The following FAM13B variants were observed in gnomAD, a reference collection of about 807,000 sequenced individuals.
FAM13B encodes family with sequence similarity 13 member B.
A neutral mutation model predicts 117.3 loss-of-function variants in FAM13B; 60 were observed. The ratio of observed to expected loss-of-function variants is 0.51; its 90% CI spans 0.42 to 0.63. FAM13B has a LOEUF of 0.63. FAM13B is among the 30% of genes least tolerant of loss of function. FAM13B has a pLI of 0.00. For synonymous variants in FAM13B, 332 were observed against 356.1 expected (o/e 0.93, Z 0.76); for missense variants, 972 against 1,091.9 (o/e 0.89, Z 1.55).
chr5:137,961,829 T>C (rs765266519), intron 11 of FAM13B, among the ~76,000 whole-genome samples: 6 of 152,156 alleles, frequency 3.9e-5, no homozygotes, highest in Non-Finnish European at 7.3e-5. Context: ...TCTTACTCTG[T>C]GATTTAAAAC....
chr5:137,948,680 T>C (rs1314750849), intron 18 of FAM13B, among the ~76,000 whole-genome samples: 1 of 152,176 alleles, frequency 6.6e-6, no homozygotes, highest in East Asian at 1.9e-4. Flanking sequence ...AGGCATGAGC[T>C]ACCTGTTTCA....
At chr5:138,051,375 A>G (rs1196843225) in intron 1 of FAM13B, among the ~76,000 whole-genome samples, 1 of 152,226 alleles carries the variant, frequency 6.6e-6, no homozygotes, top group Non-Finnish European at 1.5e-5. Flanking sequence ...AATTTAATAT[A>G]TGTTACCAAA....
At chr5:138,002,042 T>C (rs1781398658) in intron 7 of FAM13B, among the ~76,000 whole-genome samples, 1 of 152,148 alleles carries the variant, frequency 6.6e-6, no homozygotes, top group South Asian at 2.1e-4. Flanking sequence ...ATTAAAGGGA[T>C]TTAACCAAAG....
chr5:137,952,797 C>T (rs1025975210), intron 16 of FAM13B, 88 bp from the exon 17 acceptor site: 1 of 745,090 alleles, frequency 1.3e-6, no homozygotes, highest in African/African-American at 1.8e-5. Context: ...ACAATTCCCA[C>T]AGCAAAGACT....
At chr5:137,954,428 G>GA (rs781121041) in intron 14 of FAM13B, 52 bp from the exon 15 acceptor site, 15 of 1,467,156 alleles carry the variant, frequency 1.0e-5, no homozygotes, top group Middle Eastern at 2.1e-4. Flanking sequence ...TTCCACGTGG[G>GA]AAAAAAGTCA....
At chr5:137,992,851 T>A (rs939886037) in intron 7 of FAM13B, among the ~76,000 whole-genome samples, 3 of 152,204 alleles carry the variant, frequency 2.0e-5, no homozygotes, top group African/African-American at 7.2e-5. Flanking sequence ...AGACAGGTGT[T>A]AATGTCTTCA....
chr5:137,944,183 G>T (rs1359094929), intron 20 of FAM13B, among the ~76,000 whole-genome samples: 1 of 152,104 alleles, frequency 6.6e-6, no homozygotes, highest in East Asian at 1.9e-4. Flanking sequence ...CCATGTTGTG[G>T]CATCTATTAT....
chr5:137,980,168 C>T (rs149841741), intron 10 of FAM13B, among the ~76,000 whole-genome samples: 1,925 of 146,180 alleles, frequency 0.013, 27 homozygotes, highest in Middle Eastern at 0.042. Flanking sequence ...AATGAAACTC[C>T]GTCTCAAGAA....
Position 137,953,393 on chromosome 5 carries a change from T to C in FAM13B, c.1791A>G (p.Lys597=). ...CAAATTGTCTGATTTTCTTCTGAAG[T>C]TTCTTGACCAGCTGATAAGGTGTTC... The part of the protein sequence containing the change: ...EDRTPYQLVK[K]LQKKIRQFEE... Residue 597 remains lysine, a synonymous_variant, in exon 16 of 24, where the codon AAA becomes AAG. Transcript: ENST00000689681. 1 of 1,614,036 alleles carries C rather than the reference T, an allele frequency of 6.2e-7. No individual in the cohort carries two copies. The highest frequency in any genetic ancestry group is 8.5e-7 in the Non-Finnish European group (1 of 1,179,916).
intron 1 of FAM13B, among the ~76,000 whole-genome samples, chr5:138,041,762 C>A: frequency 6.6e-6 from 1 of 151,596 alleles, no homozygotes; most frequent in Non-Finnish European, 1.5e-5. Flanking sequence ...CATAGCAAGA[C>A]CCCATCTCAA....
At chr5:137,997,658 A>G (rs1376431644) in intron 7 of FAM13B, among the ~76,000 whole-genome samples, 1 of 151,982 alleles carries the variant, frequency 6.6e-6, no homozygotes, top group Non-Finnish European at 1.5e-5. Flanking sequence ...CATTTTTTCC[A>G]CTCTGAAGAC....
chr5:137,975,613 A>G (rs927895388), intron 10 of FAM13B, among the ~76,000 whole-genome samples: 1 of 152,162 alleles, frequency 6.6e-6, no homozygotes, highest in African/African-American at 2.4e-5. Context: ...CTGCAAATGC[A>G]TTTCATTTTA....
intron 10 of FAM13B, among the ~76,000 whole-genome samples, chr5:137,975,666 C>T (rs1441990932): frequency 2.6e-5 from 4 of 151,298 alleles, no homozygotes; most frequent in Admixed American, 1.3e-4. Context: ...AAACACCTCT[C>T]GCTTAAAAAA....
At chr5:137,946,342 C>CAAAAAAAAAAAAAAAAAAACAA in intron 18 of FAM13B, 31 bp from the exon 19 acceptor site, 2 of 919,178 alleles carry the variant, frequency 2.2e-6, no homozygotes, top group Non-Finnish European at 3.0e-6. Flanking sequence ...TAACAAAATA[C>CAAAAAAAAAAAAAAAAAAACAA]AAAAAAAAAA....
In FAM13B at chr5:137,983,848, C is replaced by T. The variant is rs553881637; in HGVS notation, c.1179+1409G>A. On this transcript the variant is annotated intron_variant, in intron 10 of 23. Coordinates refer to ENST00000689681, the MANE Select transcript of FAM13B (RefSeq NM_001385994.1). ...GTCAGGTAACTTGGCCAAAGTCACA[C>T]TGATACTGAACAAAGGCAGAATACA... is the stretch of plus-strand genomic sequence containing the variant. 2.2e-4 allele frequency among the ~76,000 whole-genome samples: 33 copies of T among 152,290 alleles called. No homozygotes were observed. The South Asian group carries it at 3.7e-3, about 17-fold the overall frequency.
At chr5:137,942,757 C>T (rs1762232881) in intron 22 of FAM13B, 118 bp downstream of exon 22, 2 of 794,544 alleles carry the variant, frequency 2.5e-6, no homozygotes, top group Non-Finnish European at 3.8e-6. Flanking sequence ...AGCATGTGTC[C>T]TTTGATAAAT....
chr5:138,002,744 C>T (rs1781592750), intron 7 of FAM13B, among the ~76,000 whole-genome samples: 1 of 142,938 alleles, frequency 7.0e-6, no homozygotes, highest in Admixed American at 7.3e-5. Flanking sequence ...CGGCTCACTG[C>T]AAGCTCTGCC....
intron 12 of FAM13B, 80 bp from the exon 13 acceptor site, chr5:137,959,843 A>C (rs1767639968): frequency 7.2e-7 from 1 of 1,380,870 alleles, no homozygotes; most frequent in Non-Finnish European, 1.0e-6. Context: ...GCACATATCC[A>C]AGTGTAGTCT....
intron 7 of FAM13B, among the ~76,000 whole-genome samples, chr5:138,000,696 C>T (rs914704723): frequency 2.0e-5 from 3 of 152,082 alleles, no homozygotes; most frequent in Non-Finnish European, 2.9e-5. Flanking sequence ...TTTGGGAGGC[C>T]GAAGTAGGCA....
Sources: gnomAD v4.1 joint callset for allele counts (sites outside exome capture counted in the v4.1 genomes callset) on GRCh38, gnomAD v4.1.1 for gene constraint, MANE v1.5 for transcripts, NCBI Gene and HGNC (gene_info 2026-07-23, HGNC 2026-07-21) for gene names.